Variants in IL1RAPL2 observed in about 807,000 individuals in gnomAD.
IL1RAPL2 encodes the protein X-linked interleukin-1 receptor accessory protein-like 2.
A neutral mutation model predicts 44.1 loss-of-function variants in IL1RAPL2; 3 were observed. The observed-to-expected ratio is 0.07, with a 90% CI of 0.03 to 0.18. IL1RAPL2 has a LOEUF of 0.18. Among genes scored for constraint, IL1RAPL2 ranks in the 10% least tolerant of loss-of-function variants. The pLI is 1.00. For missense variants in IL1RAPL2, 391 were observed against 496.4 expected, an observed-to-expected ratio of 0.79 and a Z score of 2.02; for synonymous variants, 181 against 178.8, an observed-to-expected ratio of 1.01 and a Z score of -0.10.
intron 6 of IL1RAPL2, among the ~76,000 whole-genome samples, chrX:105,593,376 C>G (rs970021076): frequency 9.0e-6 from 1 of 111,556 alleles, no homozygotes; most frequent in Non-Finnish European, 1.9e-5. Context: ...TTTTGACTTT[C>G]TCCAGAATTT....
chrX:105,024,141 A>G (rs2031326749), intron 2 of IL1RAPL2, among the ~76,000 whole-genome samples: 1 of 111,642 alleles, frequency 9.0e-6, no homozygotes, highest in African/African-American at 3.2e-5. Flanking sequence ...TTTACAACAT[A>G]AAGATCATTT....
chrX:105,556,114 G>A (rs2036894848), intron 6 of IL1RAPL2, among the ~76,000 whole-genome samples: 1 of 111,531 alleles, frequency 9.0e-6, no homozygotes, highest in African/African-American at 3.3e-5. Context: ...ATTTAGGATT[G>A]TGCCTTACAT....
intron 5 of IL1RAPL2, 69 bp from the exon 6 acceptor site, chrX:105,484,244 T>C: frequency 1.3e-6 from 1 of 780,287 alleles, no homozygotes; most frequent in Non-Finnish European, 2.0e-6. Context: ...ATATCATACA[T>C]GATAGAATCT....
rs146361751 is a variant in IL1RAPL2, at chrX:104,988,476, A to G, written c.83-206999A>G. On this transcript the variant is annotated intron_variant, in intron 2 of 10. Transcript: ENST00000372582. ...TCTAAATGGATCAAAGATTGAATTC[A>G]CAGGAACTCTAGAATTCATTTTATT... Among the ~76,000 whole-genome samples, 912 of 111,991 alleles carry G rather than the reference A, an allele frequency of 8.1e-3. 17 individuals are homozygous for G. The highest frequency in any genetic ancestry group is 0.028 in the African/African-American group (861 of 30,817).
intron 2 of IL1RAPL2, among the ~76,000 whole-genome samples, chrX:104,965,531 T>G (rs1200514967): frequency 9.0e-6 from 1 of 111,515 alleles, no homozygotes; most frequent in Non-Finnish European, 1.9e-5. Context: ...GTAGGATTCT[T>G]AAACATAGAG....
chrX:105,037,161 AC>A (rs1287888113), intron 2 of IL1RAPL2, among the ~76,000 whole-genome samples: 3 of 111,773 alleles, frequency 2.7e-5, no homozygotes, highest in Non-Finnish European at 3.8e-5. Context: ...CTGAGTGGAA[AC>A]TTGGTGGGAT....
chrX:105,208,854 G>C (rs2033785820), intron 3 of IL1RAPL2, among the ~76,000 whole-genome samples: 1 of 111,737 alleles, frequency 8.9e-6, no homozygotes, highest in Admixed American at 9.6e-5. Flanking sequence ...TCTTGAGCAA[G>C]AGATCTCTCC....
chrX:104,990,509 C>T (rs1194399025), intron 2 of IL1RAPL2, among the ~76,000 whole-genome samples: 1 of 111,202 alleles, frequency 9.0e-6, no homozygotes, highest in African/African-American at 3.3e-5. Flanking sequence ...GCTTCTTCTT[C>T]TTCTTTACAA....
At chrX:105,021,112 A>G (rs2031275278) in intron 2 of IL1RAPL2, among the ~76,000 whole-genome samples, 1 of 111,906 alleles carries the variant, frequency 8.9e-6, no homozygotes, top group Admixed American at 9.5e-5. Context: ...CAGAGAATCC[A>G]TGTAAACATT....
chrX:105,513,461 C>T (rs1806461242), intron 6 of IL1RAPL2, among the ~76,000 whole-genome samples: 1 of 111,754 alleles, frequency 8.9e-6, no homozygotes, highest in African/African-American at 3.3e-5. Flanking sequence ...GATCGGCATT[C>T]TAACTGGCGT....
chrX:105,082,442 A>G (rs114986540), intron 2 of IL1RAPL2, among the ~76,000 whole-genome samples: 9,173 of 110,872 alleles, frequency 0.083, 983 homozygotes, highest in African/African-American at 0.29. Flanking sequence ...CACAGCGTTC[A>G]AACTTTACTA....
intron 2 of IL1RAPL2, among the ~76,000 whole-genome samples, chrX:105,127,399 C>T (rs2032985257): frequency 9.0e-6 from 1 of 111,408 alleles, no homozygotes; most frequent in Non-Finnish European, 1.9e-5. Context: ...TAGGTATCTG[C>T]ATTATGTCCT....
At chrX:104,709,239 G>C (rs968196239) in intron 2 of IL1RAPL2, among the ~76,000 whole-genome samples, 2 of 108,968 alleles carry the variant, frequency 1.8e-5, no homozygotes, top group African/African-American at 6.7e-5. Context: ...ATTCAGAGAA[G>C]ACACTCTGAA....
rs188799691 is a variant in IL1RAPL2 at position 105,134,479 on chromosome X, A to G, written c.83-60996A>G. Among the ~76,000 whole-genome samples, 682 of 111,738 alleles carry G rather than the reference A, an allele frequency of 6.1e-3. 9 individuals are homozygous for G. The highest frequency in any genetic ancestry group is 0.021 in the African/African-American group (653 of 30,822). On this transcript the variant is annotated intron_variant, in intron 2 of 10. Coordinates refer to ENST00000372582, the MANE Select transcript of IL1RAPL2 (RefSeq NM_017416.2). ...TATAGTAAGTATCTCTCTCTTTAGTATGTTTACACACAGAATTATTCAAGA... is the reference window on the plus strand; with the variant it reads ...TATAGTAAGTATCTCTCTCTTTAGTGTGTTTACACACAGAATTATTCAAGA...
At chrX:105,314,414 A>G (rs1388294936) in intron 5 of IL1RAPL2, among the ~76,000 whole-genome samples, 2 of 111,494 alleles carry the variant, frequency 1.8e-5, no homozygotes, top group Non-Finnish European at 3.8e-5. Flanking sequence ...CTTTGTATGT[A>G]TCAACACGGT....
At chrX:104,575,619 T>G (rs1468453183) in intron 1 of IL1RAPL2, among the ~76,000 whole-genome samples, 2 of 111,887 alleles carry the variant, frequency 1.8e-5, no homozygotes, top group African/African-American at 6.5e-5. Flanking sequence ...TCCATTGTTC[T>G]CTATAGATTT....
intron 2 of IL1RAPL2, among the ~76,000 whole-genome samples, chrX:104,673,020 G>T (rs1402895217): frequency 1.8e-5 from 2 of 111,435 alleles, no homozygotes; most frequent in Non-Finnish European, 3.8e-5. Flanking sequence ...TGAGTAGGTT[G>T]CAAAAATTTT....
chrX:105,533,227 A>G (rs1184512904), intron 6 of IL1RAPL2, among the ~76,000 whole-genome samples: 7 of 112,175 alleles, frequency 6.2e-5, no homozygotes, highest in Non-Finnish European at 1.3e-4. Context: ...AAATTTGCCA[A>G]TATTTCTGGG....
intron 2 of IL1RAPL2, among the ~76,000 whole-genome samples, chrX:104,955,478 A>T (rs1474934398): frequency 9.6e-6 from 1 of 103,714 alleles, no homozygotes; most frequent in East Asian, 2.9e-4. Flanking sequence ...TTATACTCCC[A>T]GATATATATA....
Sources: allele counts gnomAD v4.1 joint callset (sites outside exome capture counted in the v4.1 genomes callset), GRCh38; gene constraint gnomAD v4.1.1; transcripts MANE v1.5; gene names NCBI Gene and HGNC (gene_info 2026-07-23, HGNC 2026-07-21).